The following RPAP2 variants were observed in gnomAD, a reference collection of about 807,000 sequenced individuals.
RPAP2 encodes putative RNA polymerase II subunit B1 CTD phosphatase RPAP2.
Under a neutral mutation model 73.1 loss-of-function variants are expected in RPAP2, and 52 were observed. The observed-to-expected ratio is 0.71, with a 90% CI of 0.57 to 0.90. RPAP2 has a LOEUF of 0.90. RPAP2 is among the 40% of genes least tolerant of loss of function. RPAP2 has a pLI of 0.00. For missense variants in RPAP2, 598 were observed against 701.8 expected, an observed-to-expected ratio of 0.85 and a Z score of 1.67; for synonymous variants, 225 against 242.1, an observed-to-expected ratio of 0.93 and a Z score of 0.65.
chr1:92,344,330 G>A (rs1011541666), intron 10 of RPAP2, among the ~76,000 whole-genome samples: 2 of 152,080 alleles, frequency 1.3e-5, no homozygotes, highest in Non-Finnish European at 2.9e-5. Context: ...GCTTGAACTC[G>A]GGAGGTGGAG....
chr1:92,302,812 G>T (rs1472639900), intron 3 of RPAP2, among the ~76,000 whole-genome samples: 1 of 151,736 alleles, frequency 6.6e-6, no homozygotes, highest in Non-Finnish European at 1.5e-5. Context: ...GTGTTAGCCA[G>T]GATGGTCTCG....
intron 11 of RPAP2, among the ~76,000 whole-genome samples, chr1:92,378,573 C>G (rs894493114): frequency 6.6e-6 from 1 of 152,176 alleles, no homozygotes; most frequent in African/African-American, 2.4e-5. Context: ...TTTGAACCGC[C>G]TGACTTGGAC....
rs931098325 is a variant in RPAP2, at chr1:92,392,046, A to T, written c.*5035A>T. The stretch of plus-strand genomic sequence containing the variant: ...TAACTCATTTTATGAGGCTAACATC[A>T]TCCTGATACCAAAGCCTGGCAGAGA... On this transcript the variant is annotated 3_prime_UTR_variant, in exon 13 of 13. Coordinates refer to ENST00000610020, the MANE Select transcript of RPAP2 (RefSeq NM_024813.3). 5 of 152,258 alleles carry T rather than the reference A, an allele frequency of 3.3e-5. No homozygotes were observed. The highest frequency in any genetic ancestry group is 1.2e-4 in the African/African-American group (5 of 41,466). 9.4% of individuals were successfully genotyped at this position (152,258 alleles called of 1,614,324 possible). A position where few individuals can be genotyped will look rare whatever the true frequency, so the allele number is the denominator to read the frequency against.
At chr1:92,370,942 C>T (rs191147393) in intron 11 of RPAP2, among the ~76,000 whole-genome samples, 1 of 152,152 alleles carries the variant, frequency 6.6e-6, no homozygotes, top group Non-Finnish European at 1.5e-5. Context: ...GAAAAGGGAA[C>T]CCTTGAACAT....
intron 10 of RPAP2, among the ~76,000 whole-genome samples, chr1:92,337,221 ATTG>A (rs1006095950): frequency 2.6e-5 from 4 of 152,266 alleles, no homozygotes; most frequent in South Asian, 2.1e-4. Context: ...ATTATAGTCT[ATTG>A]TTGTCAACAA....
At chr1:92,380,494 CATATT>C (rs1655583816) in intron 11 of RPAP2, among the ~76,000 whole-genome samples, 1 of 152,122 alleles carries the variant, frequency 6.6e-6, no homozygotes, top group Non-Finnish European at 1.5e-5. Context: ...GAAGAACAAA[CATATT>C]ATAGATTTAG....
chr1:92,376,014 AAAAATT>A (rs1225552713), intron 11 of RPAP2, among the ~76,000 whole-genome samples: 2 of 151,872 alleles, frequency 1.3e-5, no homozygotes, highest in African/African-American at 2.4e-5. Flanking sequence ...AAAAAAAAAA[AAAAATT>A]AAAATATTCA....
intron 12 of RPAP2, among the ~76,000 whole-genome samples, chr1:92,386,151 C>T (rs1042549377): frequency 7.9e-5 from 12 of 152,152 alleles, no homozygotes; most frequent in African/African-American, 2.9e-4. Flanking sequence ...GTATTAATAA[C>T]TAATCTCAGA....
rs780001558 is a variant in RPAP2, at chr1:92,395,394, C to T, written c.*8383C>T. 1 of 151,972 alleles carries T rather than the reference C, an allele frequency of 6.6e-6. No individual in the cohort carries two copies. The highest frequency in any genetic ancestry group is 1.5e-5 in the Non-Finnish European group (1 of 67,980). 9.4% of individuals were successfully genotyped at this position (151,972 alleles called of 1,614,324 possible). On this transcript the variant is annotated 3_prime_UTR_variant, in exon 13 of 13. Transcript: ENST00000610020. ...TTCACATCTGAAATCCCTGCACTTT[C>T]GGAAGCCAAGGAGGGTGGACCACTT... is the stretch of plus-strand genomic sequence containing the variant.
In RPAP2 at chr1:92,304,369, T is replaced by A. The variant is rs762466513; in HGVS notation, c.399+20T>A. On this transcript the variant is annotated intron_variant, in intron 5 of 12. Transcript: ENST00000610020. ...AGAAAGGTGAGTTTAAAGGCTTTCA[T>A]TGTGGCAATTAATTTTTTTTCTTTA... is the stretch of plus-strand genomic sequence containing the variant. 7.1e-7 allele frequency: 1 copy of A among 1,407,624 alleles called. No homozygotes were observed. The highest frequency in any genetic ancestry group is 1.3e-5 in the South Asian group (1 of 77,640). The allele number at this position is 1,407,624 out of a possible 1,614,324, so 87.2% of individuals were successfully genotyped here. A position where few individuals can be genotyped will look rare whatever the true frequency, so the allele number is the denominator to read the frequency against.
intron 6 of RPAP2, among the ~76,000 whole-genome samples, chr1:92,318,391 T>C (rs1387697589): frequency 6.6e-6 from 1 of 152,216 alleles, no homozygotes; most frequent in Admixed American, 6.5e-5. Flanking sequence ...CTTAGTTACA[T>C]ATAGATTTGG....
intron 10 of RPAP2, among the ~76,000 whole-genome samples, chr1:92,344,384 G>A (rs922909775): frequency 6.6e-6 from 1 of 152,164 alleles, no homozygotes; most frequent in East Asian, 1.9e-4. Context: ...CAGCCTGGGT[G>A]ACAGAGCAAG....
chr1:92,351,327 AAG>A lies in RPAP2; in HGVS notation c.1688+5415_1688+5416del, dbSNP rs1316767089. On this transcript the variant is annotated intron_variant, in intron 11 of 12. Transcript: ENST00000610020. ...TCTCAAAAAAAAAAAAAAAAAAAAA[AAG>A]AAAGGACCATAATGAATTGCATAAA... Among the ~76,000 whole-genome samples the A allele has an allele frequency of 4.7e-3, 673 of 142,026 alleles. 12 individuals carry two copies. Among genetic ancestry groups the A allele is most frequent in the African/African-American group, 0.017 (633 of 37,910 alleles). The allele number at this position is 142,026 out of a possible 152,430, so 93.2% of individuals were successfully genotyped here. A position where few individuals can be genotyped will look rare whatever the true frequency, so the allele number is the denominator to read the frequency against.
intron 8 of RPAP2, among the ~76,000 whole-genome samples, chr1:92,331,672 C>T (rs1309623646): frequency 6.6e-6 from 1 of 152,086 alleles, no homozygotes; most frequent in African/African-American, 2.4e-5. Context: ...CTCTAAATTT[C>T]AAATATATTG....
At chr1:92,332,188 G>A (rs1021612381) in intron 8 of RPAP2, among the ~76,000 whole-genome samples, 1 of 151,630 alleles carries the variant, frequency 6.6e-6, no homozygotes, top group African/African-American at 2.4e-5. Context: ...AGTGGTGACT[G>A]TGCTTCATTC....
chr1:92,369,760 T>G (rs1022970547), intron 11 of RPAP2, among the ~76,000 whole-genome samples: 5 of 151,994 alleles, frequency 3.3e-5, no homozygotes, highest in Non-Finnish European at 7.4e-5. Context: ...GATAAAGGAA[T>G]AAGGAGAAAA....
chr1:92,323,805 A>G lies in RPAP2; in HGVS notation c.885A>G (p.Val295=), dbSNP rs751607834. ...DATCELPLQK[V]NTQSSSNSTL... ...CATGTGAACTTCCTTTACAGAAAGT[A>G]AATACTCAGAGTTCTTCAAATAGCA... Residue 295 remains valine (V), a synonymous_variant, in exon 8 of 13, where the codon GTA becomes GTG. Transcript: ENST00000610020. 4.3e-6 allele frequency: 7 copies of G among 1,614,122 alleles called. No homozygotes were observed. The highest frequency in any genetic ancestry group is 1.7e-5 in the Admixed American group (1 of 60,028).
At chr1:92,349,548 TTTA>T (rs1363644605) in intron 11 of RPAP2, among the ~76,000 whole-genome samples, 1 of 152,224 alleles carries the variant, frequency 6.6e-6, no homozygotes, top group Non-Finnish European at 1.5e-5. Flanking sequence ...TTTTCACACC[TTTA>T]TTCTTAAAGG....
chr1:92,375,524 GTC>G (rs1655346151), intron 11 of RPAP2, among the ~76,000 whole-genome samples: 1 of 151,964 alleles, frequency 6.6e-6, no homozygotes, highest in Non-Finnish European at 1.5e-5. Flanking sequence ...GTGAAACCCT[GTC>G]TCTACTAAAA....
Sources: allele counts gnomAD v4.1 joint callset (sites outside exome capture counted in the v4.1 genomes callset), GRCh38; gene constraint gnomAD v4.1.1; transcripts MANE v1.5; gene names NCBI Gene and HGNC (gene_info 2026-07-23, HGNC 2026-07-21).